PDE4B: variants seen among roughly 807,000 people sequenced by gnomAD.
PDE4B encodes phosphodiesterase 4B.
A neutral mutation model predicts 82.2 loss-of-function variants in PDE4B; 20 were observed. That is an observed-to-expected ratio of 0.24 (90% confidence interval 0.17 to 0.35). PDE4B has a LOEUF of 0.35. Ranked by LOEUF, PDE4B falls within the 10% of genes least tolerant of loss-of-function variation. PDE4B has a pLI of 1.00. For missense variants in PDE4B, 655 were observed against 907.2 expected (o/e 0.72, Z 3.57); for synonymous variants, 320 against 318.9 (o/e 1.00, Z -0.04).
chr1:66,363,426 C>T lies in PDE4B; in HGVS notation c.1139C>T (p.Thr380Ile), dbSNP rs1294425395. ...AIFQERDLLK[T>I]FRISSDTFIT... Reference sequence around the variant, plus strand: ...ACACAGGAAAGAGACCTCCTAAAGACATTCAGAATCTCATCTGACACATTT... The same window carrying T: ...ACACAGGAAAGAGACCTCCTAAAGATATTCAGAATCTCATCTGACACATTT... Residue 380 changes from threonine to isoleucine, a missense_variant, in exon 12 of 17, where the codon ACA (threonine) becomes ATA (isoleucine). Coordinates refer to ENST00000341517, the MANE Select transcript of PDE4B (RefSeq NM_002600.4). The T allele has an allele frequency of 6.2e-7, 1 of 1,612,608 alleles. No individual in the cohort carries two copies. The highest frequency in any genetic ancestry group is 1.3e-5 in the African/African-American group (1 of 74,832).
At chr1:66,199,365 T>C (rs1395964469) in intron 3 of PDE4B, among the ~76,000 whole-genome samples, 2 of 152,346 alleles carry the variant, frequency 1.3e-5, no homozygotes, top group Middle Eastern at 3.4e-3. Context: ...TGGCCAGTGA[T>C]GATGAGCATT....
intron 3 of PDE4B, among the ~76,000 whole-genome samples, chr1:66,167,514 CT>C (rs1344911139): frequency 6.6e-6 from 1 of 151,996 alleles, no homozygotes; most frequent in Non-Finnish European, 1.5e-5. Context: ...ATGGAGTTTC[CT>C]TTTGGGGTGA....
chr1:65,928,407 A>C (rs1647640086), intron 3 of PDE4B, among the ~76,000 whole-genome samples: 2 of 152,200 alleles, frequency 1.3e-5, no homozygotes, highest in Admixed American at 1.3e-4. Context: ...CCAATGCCAT[A>C]ACTCTACACG....
At chr1:65,988,036 A>C (rs553074303) in intron 3 of PDE4B, among the ~76,000 whole-genome samples, 1 of 152,266 alleles carries the variant, frequency 6.6e-6, no homozygotes, top group Admixed American at 6.5e-5. Flanking sequence ...CCAGAAATAC[A>C]GTATTGAACA....
intron 16 of PDE4B, 39 bp from the exon 17 acceptor site, chr1:66,372,274 C>T (rs2050812517): frequency 6.4e-7 from 1 of 1,550,494 alleles, no homozygotes; most frequent in Non-Finnish European, 8.7e-7. Context: ...TTTTCAAGCA[C>T]CATCACAATA....
intron 7 of PDE4B, among the ~76,000 whole-genome samples, chr1:66,290,635 C>G (rs1214618328): frequency 6.6e-6 from 1 of 152,196 alleles, no homozygotes; most frequent in Non-Finnish European, 1.5e-5. Flanking sequence ...ATTCAGCAAT[C>G]AGACTTCAGT....
intron 3 of PDE4B, among the ~76,000 whole-genome samples, chr1:66,149,017 T>TTCAAAA (rs1646329948): frequency 1.3e-5 from 2 of 152,236 alleles, no homozygotes; most frequent in Admixed American, 1.3e-4. Flanking sequence ...CTAGGTCATA[T>TTCAAAA]GGTAACTATG....
At chr1:66,275,629 C>T (rs915016428) in intron 7 of PDE4B, among the ~76,000 whole-genome samples, 1 of 152,132 alleles carries the variant, frequency 6.6e-6, no homozygotes, top group Non-Finnish European at 1.5e-5. Flanking sequence ...TTTTCTGCCT[C>T]CTGCTTCCCC....
At chr1:66,086,320 G>A (rs1403411271) in intron 3 of PDE4B, among the ~76,000 whole-genome samples, 1 of 152,124 alleles carries the variant, frequency 6.6e-6, no homozygotes, top group Non-Finnish European at 1.5e-5. Context: ...CGAAGAGCAC[G>A]CAGTCAGGTG....
At chr1:66,004,033 C>G (rs538940807) in intron 3 of PDE4B, among the ~76,000 whole-genome samples, 1 of 152,266 alleles carries the variant, frequency 6.6e-6, no homozygotes, top group South Asian at 2.1e-4. Context: ...CTAACTGCAT[C>G]TTTTACCATA....
intron 3 of PDE4B, among the ~76,000 whole-genome samples, chr1:66,179,593 G>A (rs143112365): frequency 5.3e-5 from 8 of 152,340 alleles, no homozygotes; most frequent in African/African-American, 1.9e-4. Flanking sequence ...CAATGTGTAG[G>A]ATGACACAGA....
At chr1:65,996,446 C>T (rs1651547411) in intron 3 of PDE4B, among the ~76,000 whole-genome samples, 1 of 151,892 alleles carries the variant, frequency 6.6e-6, no homozygotes, top group Non-Finnish European at 1.5e-5. Context: ...TTTTCTTTTT[C>T]ATTCACTCAA....
chr1:66,302,973 T>TAACAA (rs1658008595), intron 7 of PDE4B, among the ~76,000 whole-genome samples: 1 of 152,204 alleles, frequency 6.6e-6, no homozygotes, highest in Non-Finnish European at 1.5e-5. Context: ...CCTTGCTAGA[T>TAACAA]GCCCATCCTA....
intron 1 of PDE4B, among the ~76,000 whole-genome samples, chr1:65,876,180 T>C (rs1646641360): frequency 6.6e-6 from 1 of 152,116 alleles, no homozygotes; most frequent in Non-Finnish European, 1.5e-5. Flanking sequence ...ATAATTACTT[T>C]ATAATAATCA....
intron 3 of PDE4B, among the ~76,000 whole-genome samples, chr1:66,022,550 A>T (rs553940664): frequency 1.3e-5 from 2 of 152,272 alleles, no homozygotes; most frequent in Admixed American, 6.5e-5. Context: ...CCCTTTCTGC[A>T]TCTATTGTGA....
intron 7 of PDE4B, among the ~76,000 whole-genome samples, chr1:66,305,880 C>G (rs72674130): frequency 0.011 from 1,599 of 152,216 alleles, 10 homozygotes; most frequent in Middle Eastern, 0.02. Context: ...TGACAGGCCT[C>G]CATTCTCAAG....
chr1:66,197,333 C>A (rs1295614429), intron 3 of PDE4B, among the ~76,000 whole-genome samples: 2 of 152,024 alleles, frequency 1.3e-5, no homozygotes, highest in Non-Finnish European at 2.9e-5. Context: ...CAGCTTAGAG[C>A]CATATTCTTG....
intron 7 of PDE4B, among the ~76,000 whole-genome samples, chr1:66,302,974 G>GA (rs1658009174): frequency 6.6e-6 from 1 of 152,108 alleles, no homozygotes; most frequent in Non-Finnish European, 1.5e-5. Flanking sequence ...CTTGCTAGAT[G>GA]CCCATCCTAT....
intron 3 of PDE4B, among the ~76,000 whole-genome samples, chr1:66,084,322 A>C (rs924398826): frequency 1.3e-5 from 2 of 152,168 alleles, no homozygotes; most frequent in Admixed American, 1.3e-4. Flanking sequence ...GATAAAACGC[A>C]AATCAATCGC....
Sources: allele counts gnomAD v4.1 joint callset (sites outside exome capture counted in the v4.1 genomes callset), GRCh38; gene constraint gnomAD v4.1.1; transcripts MANE v1.5; gene names NCBI Gene and HGNC (gene_info 2026-07-23, HGNC 2026-07-21).